Variants in PTGIS observed in about 807,000 individuals in gnomAD.
PTGIS encodes the protein prostacyclin synthase.
PTGIS carries 45 observed loss-of-function variants against 50.3 expected under a neutral mutation model. That is an observed-to-expected ratio of 0.90 (90% CI 0.70 to 1.15). PTGIS has a LOEUF of 1.15. Among genes scored for constraint, PTGIS ranks in the 50% most tolerant of loss-of-function variants. PTGIS has a pLI of 0.00. For synonymous variants in PTGIS, 260 were observed against 267.7 expected (o/e 0.97, Z 0.28); for missense variants, 668 against 661.3 (o/e 1.01, Z -0.11).
At chr20:49,546,845 A>T (rs1982373380) in intron 3 of PTGIS, among the ~76,000 whole-genome samples, 1 of 152,200 alleles carries the variant, frequency 6.6e-6, no homozygotes, top group South Asian at 2.1e-4. Flanking sequence ...CACACCCTAC[A>T]TCCAGGGCAA....
chr20:49,543,654 T>TGC (rs1409363683), intron 4 of PTGIS, among the ~76,000 whole-genome samples: 5 of 152,154 alleles, frequency 3.3e-5, no homozygotes, highest in African/African-American at 1.2e-4. Context: ...GTGGGCACTT[T>TGC]GCAGTTAGGT....
At chr20:49,532,591 C>T (rs997494767) in intron 5 of PTGIS, among the ~76,000 whole-genome samples, 1 of 152,094 alleles carries the variant, frequency 6.6e-6, no homozygotes, top group Non-Finnish European at 1.5e-5. Context: ...TGACACAGTC[C>T]TAATAAACGC....
chr20:49,535,779 G>C (rs1982052933), intron 5 of PTGIS, among the ~76,000 whole-genome samples: 1 of 152,224 alleles, frequency 6.6e-6, no homozygotes, highest in South Asian at 2.1e-4. Flanking sequence ...GCCTCCCAAA[G>C]TGCTAAGATT....
intron 5 of PTGIS, among the ~76,000 whole-genome samples, chr20:49,532,805 C>T (rs943179811): frequency 1.3e-5 from 2 of 152,174 alleles, no homozygotes; most frequent in African/African-American, 4.8e-5. Context: ...ATCTCTGAGC[C>T]TCAGTTTCCC....
At chr20:49,562,412 C>A (rs952802841) in intron 1 of PTGIS, among the ~76,000 whole-genome samples, 1 of 152,134 alleles carries the variant, frequency 6.6e-6, no homozygotes, top group African/African-American at 2.4e-5. Context: ...GCAGGAAGCC[C>A]GGAGCCCAGG....
At chr20:49,567,991 G>T in intron 1 of PTGIS, 52 bp downstream of exon 1, 1 of 1,445,640 alleles carries the variant, frequency 6.9e-7, no homozygotes, top group Non-Finnish European at 9.1e-7. Flanking sequence ...CTGCAGCCCG[G>T]GCGGGAGCCG....
chr20:49,547,247 A>C (rs1336794799), intron 3 of PTGIS, among the ~76,000 whole-genome samples: 2 of 152,068 alleles, frequency 1.3e-5, no homozygotes, highest in East Asian at 1.9e-4. Flanking sequence ...TAAATAAATA[A>C]AATAAAATGA....
chr20:49,513,081 T>C lies in PTGIS; in HGVS notation c.1205A>G (p.Glu402Gly), dbSNP rs1441819917. 1 of 1,614,072 alleles carries C rather than the reference T, an allele frequency of 6.2e-7. No individual in the cohort carries two copies. Among genetic ancestry groups the C allele is most frequent in the Admixed American group, 1.7e-5 (1 of 60,012 alleles). ...TGACCAGGCGCCCCTGCCATTTACC[T>C]CTGGGTCTGTGTAGATTTCTGGGTC... is the stretch of plus-strand genomic sequence containing the variant. ...QRDPEIYTDP[E>G]VFKYNRFLNP... is the part of the protein sequence containing the mutation. Residue 402 changes from glutamate to glycine, a missense_variant and splice_region_variant, in exon 8 of 10, where the codon GAG (glutamate) becomes GGG (glycine). Coordinates refer to ENST00000244043, the MANE Select transcript of PTGIS (RefSeq NM_000961.4).
chr20:49,544,331 G>T lies in PTGIS; in HGVS notation c.495C>A (p.Leu165=), dbSNP rs888351764. The T allele has an allele frequency of 6.2e-7, 1 of 1,614,164 alleles. No homozygotes were observed. Among genetic ancestry groups the T allele is most frequent in the East Asian group, 2.2e-5 (1 of 44,886 alleles). Residue 165 remains leucine, a synonymous_variant, in exon 4 of 10, where the codon CTC becomes CTA. Transcript: ENST00000244043. ...TGAGCAGGAAGCTGTAGGAGAAGTCGAGGAGACCCATCTCGTGCCAGCCAC... is the reference window on the plus strand; with the variant it reads ...TGAGCAGGAAGCTGTAGGAGAAGTCTAGGAGACCCATCTCGTGCCAGCCAC... ...AGSGWHEMGL[L]DFSYSFLLRA...
intron 1 of PTGIS, among the ~76,000 whole-genome samples, chr20:49,564,969 G>GC (rs940926086): frequency 1.4e-5 from 2 of 146,680 alleles, no homozygotes; most frequent in Admixed American, 6.8e-5. Context: ...TCACTTGTTT[G>GC]CCCTTTTTTT....
chr20:49,546,247 A>G (rs1982355621), intron 3 of PTGIS, among the ~76,000 whole-genome samples: 1 of 152,202 alleles, frequency 6.6e-6, no homozygotes, highest in Non-Finnish European at 1.5e-5. Context: ...TTCCTGAGGC[A>G]AACACTGAAG....
At chr20:49,539,428 C>G in intron 5 of PTGIS, 142 bp downstream of exon 5, 2 of 1,031,450 alleles carry the variant, frequency 1.9e-6, no homozygotes, top group Non-Finnish European at 2.8e-6. Flanking sequence ...TTGCATACCC[C>G]CAGTGATGGG....
Position 49,540,607 on chromosome 20 carries a change from AG to A in PTGIS, c.522-887del, listed in dbSNP as rs796275819. Among the ~76,000 whole-genome samples the A allele has an allele frequency of 1.4e-3, 214 of 152,230 alleles. 1 individual carries two copies. Among genetic ancestry groups the A allele is most frequent in the African/African-American group, 4.9e-3 (202 of 41,534 alleles). On this transcript the variant is annotated intron_variant, in intron 4 of 9. Coordinates refer to ENST00000244043, the MANE Select transcript of PTGIS (RefSeq NM_000961.4). This position sits in a 1 kb window ranked among gnomAD's most constrained non-coding sequence, Gnocchi z 4.8. ...GTCAGGGCCTGGTCAAGTGTGAAAA[AG>A]GGTAAGACATGGGAGCTAGCATGAG...
chr20:49,534,076 T>C (rs1982006876), intron 5 of PTGIS, among the ~76,000 whole-genome samples: 1 of 152,244 alleles, frequency 6.6e-6, no homozygotes, highest in Non-Finnish European at 1.5e-5. Context: ...ACTACCAGTA[T>C]GTCCCACTCT....
In PTGIS at chr20:49,518,508, T is replaced by C. The variant is rs73910537; in HGVS notation, c.856-4113A>G. 1.4e-3 allele frequency among the ~76,000 whole-genome samples: 210 copies of C among 152,328 alleles called. 1 individual carries two copies. Among genetic ancestry groups the C allele is most frequent in the African/African-American group, 5.0e-3 (208 of 41,570 alleles). On this transcript the variant is annotated intron_variant, in intron 6 of 9. Coordinates refer to ENST00000244043, the MANE Select transcript of PTGIS (RefSeq NM_000961.4). Reference sequence around the variant, plus strand: ...AAGTATAGACTTTAGTTACTAGCAATGTCCCAATGTGAATTTCTTAGTCTT... The same window carrying C: ...AAGTATAGACTTTAGTTACTAGCAACGTCCCAATGTGAATTTCTTAGTCTT...
intron 4 of PTGIS, among the ~76,000 whole-genome samples, chr20:49,542,950 C>A (rs757169509): frequency 7.9e-5 from 12 of 151,876 alleles, no homozygotes; most frequent in Non-Finnish European, 1.5e-4. Context: ...CTGAGACACG[C>A]CGAGTCTACA....
intron 9 of PTGIS, among the ~76,000 whole-genome samples, chr20:49,509,852 A>C: frequency 7.1e-6 from 1 of 141,296 alleles, no homozygotes; most frequent in Non-Finnish European, 1.5e-5. Flanking sequence ...CTTTTCCCTC[A>C]ATCCCTGCAG....
At chr20:49,543,221 G>A (rs929496076) in intron 4 of PTGIS, among the ~76,000 whole-genome samples, 1 of 151,986 alleles carries the variant, frequency 6.6e-6, no homozygotes, top group African/African-American at 2.4e-5. Flanking sequence ...TCTTCCGGCA[G>A]AGCCAGTGAA....
At chr20:49,558,564 T>C (rs1356904899) in intron 1 of PTGIS, among the ~76,000 whole-genome samples, 1 of 152,128 alleles carries the variant, frequency 6.6e-6, no homozygotes, top group East Asian at 1.9e-4. Context: ...CCTAAAGAAT[T>C]GAAAACGTTG....
Sources: gnomAD v4.1 joint callset for allele counts (sites outside exome capture counted in the v4.1 genomes callset) on GRCh38, gnomAD v4.1.1 for gene constraint, Gnocchi (gnomAD v3.1) non-coding constraint, MANE v1.5 for transcripts, NCBI Gene and HGNC (gene_info 2026-07-23, HGNC 2026-07-21) for gene names.